NLRP13: variants seen among roughly 807,000 people sequenced by gnomAD.
The protein encoded by NLRP13 is NLR family pyrin domain containing 13, also known as NACHT, LRR and PYD domains-containing protein 13.
In NLRP13, 82 loss-of-function variants were observed where a neutral mutation model predicts 94.4. That is an observed-to-expected ratio of 0.87 (90% confidence interval 0.73 to 1.04). The LOEUF (loss-of-function observed/expected upper bound fraction) is 1.04. Among genes scored for constraint, NLRP13 ranks in the 50% least tolerant of loss-of-function variants. The pLI, the probability that NLRP13 is intolerant of heterozygous loss-of-function variation, is 0.00. For missense variants in NLRP13, 1,426 were observed against 1,230.8 expected (o/e 1.16, Z -2.37); for synonymous variants, 553 against 464.7 (o/e 1.19, Z -2.45).
intron 9 of NLRP13, among the ~76,000 whole-genome samples, chr19:55,899,635 C>G (rs575775757): frequency 1.3e-5 from 2 of 152,192 alleles, no homozygotes; most frequent in African/African-American, 4.8e-5. Flanking sequence ...CAAGAATTAT[C>G]CAGGCGTGGT....
At position 55,912,919 on chromosome 19, in the gene NLRP13, T is replaced by C. The variant is rs1299917245; in HGVS notation, c.898A>G (p.Met300Val). 2 of 1,614,150 alleles carry C rather than the reference T, an allele frequency of 1.2e-6. No homozygotes were observed. The highest frequency in any genetic ancestry group is 1.7e-5 in the Admixed American group (1 of 60,020). ...PDFDAPIEEF[M>V]SQPEKLLFII... ...AACAGGAGCTTCTCTGGTTGAGACATGAACTCTTCAATGGGGGCATCAAAA... is the reference window on the plus strand; with the variant it reads ...AACAGGAGCTTCTCTGGTTGAGACACGAACTCTTCAATGGGGGCATCAAAA... Residue 300 changes from methionine (M) to valine (V), a missense_variant, in exon 5 of 11, where the codon ATG becomes GTG. By Grantham distance (21) the Met-to-Val change is conservative. Transcript: ENST00000342929.
At chr19:55,920,031 C>G (rs930413406) in intron 4 of NLRP13, among the ~76,000 whole-genome samples, 1 of 152,020 alleles carries the variant, frequency 6.6e-6, no homozygotes, top group Non-Finnish European at 1.5e-5. Context: ...AGCTATATAC[C>G]TACAGCTAGC....
Position 55,896,053 on chromosome 19 carries a change from C to T in NLRP13, c.3024G>A (p.Lys1008=), listed in dbSNP as rs1481787302. The change falls in exon 11 of 11, where the codon AAG becomes AAA. Residue 1008 remains lysine (K), a synonymous_variant. Transcript: ENST00000342929. ...CTAGAAGGTTCAGATTGACCAGGCT[C>T]TTACTGCTGCTGAGAACAGAGAAGA... ...QHLFSVLSSS[K]SLVNLNLLGN... 1.2e-6 allele frequency: 2 copies of T among 1,614,088 alleles called. No individual in the cohort carries two copies. The highest frequency in any genetic ancestry group is 1.1e-5 in the South Asian group (1 of 91,086).
chr19:55,919,420 A>C (rs1986755865), intron 4 of NLRP13, among the ~76,000 whole-genome samples: 6 of 152,088 alleles, frequency 3.9e-5, no homozygotes. Context: ...ATTGTAAAGA[A>C]GAAGCCAAAT....
At chr19:55,919,433 T>C (rs1276447988) in intron 4 of NLRP13, among the ~76,000 whole-genome samples, 4 of 151,826 alleles carry the variant, frequency 2.6e-5, no homozygotes, top group Non-Finnish European at 4.4e-5. Flanking sequence ...AGCCAAATTA[T>C]CTGTTGATAT....
chr19:55,915,852 G>T (rs528657815), intron 4 of NLRP13, among the ~76,000 whole-genome samples: 10 of 151,910 alleles, frequency 6.6e-5, no homozygotes, highest in Admixed American at 4.6e-4. Context: ...TGATGCACAA[G>T]AAAGTTTCTC....
Position 55,930,105 on chromosome 19 carries a change from G to A in NLRP13, c.319+1888C>T, listed in dbSNP as rs150877470. ...GAACTTGTATGACTCCGCATGCCCCGTGTCCAGGGTTCTGATATGGAAGAC... is the reference window on the plus strand; with the variant it reads ...GAACTTGTATGACTCCGCATGCCCCATGTCCAGGGTTCTGATATGGAAGAC... On this transcript the variant is annotated intron_variant, in intron 1 of 10. Transcript: ENST00000342929. Among the ~76,000 whole-genome samples, 182 of 152,188 alleles carry A rather than the reference G, an allele frequency of 1.2e-3. 1 individual carries two copies. Among genetic ancestry groups the A allele is most frequent in the African/African-American group, 4.1e-3 (169 of 41,504 alleles).
chr19:55,921,078 A>G (rs10422934), intron 4 of NLRP13, among the ~76,000 whole-genome samples: 21,768 of 152,172 alleles, frequency 0.14, 1,657 homozygotes, highest in East Asian at 0.22. Flanking sequence ...ACATATGTAC[A>G]TATAGAATGG....
intron 9 of NLRP13, among the ~76,000 whole-genome samples, chr19:55,899,951 T>C (rs1275159608): frequency 2.5e-5 from 1 of 40,248 alleles, no homozygotes; most frequent in Non-Finnish European, 3.9e-5. Flanking sequence ...AATATAATTG[T>C]TGTTTTTTTT....
intron 4 of NLRP13, among the ~76,000 whole-genome samples, chr19:55,919,189 C>G (rs1383837399): frequency 6.6e-6 from 1 of 152,038 alleles, no homozygotes; most frequent in Non-Finnish European, 1.5e-5. Context: ...GATAAAAACC[C>G]TCAACAAACT....
intron 4 of NLRP13, among the ~76,000 whole-genome samples, chr19:55,917,488 A>G (rs889633195): frequency 7.9e-5 from 12 of 152,028 alleles, no homozygotes; most frequent in African/African-American, 2.7e-4. Context: ...AAATTGGAGG[A>G]ATAGATTTTA....
chr19:55,915,466 C>T (rs2123129500), intron 4 of NLRP13, among the ~76,000 whole-genome samples: 1 of 152,116 alleles, frequency 6.6e-6, no homozygotes, highest in South Asian at 2.1e-4. Context: ...GGCATGGTGG[C>T]ACGCGCCTGT....
chr19:55,916,231 A>C (rs973478138), intron 4 of NLRP13, among the ~76,000 whole-genome samples: 1 of 152,230 alleles, frequency 6.6e-6, no homozygotes, highest in Non-Finnish European at 1.5e-5. Flanking sequence ...AGTCCCATCT[A>C]AACAGCAGTA....
chr19:55,910,831 T>A lies in NLRP13; in HGVS notation c.2112-98A>T, dbSNP rs1986489583. 4.7e-6 allele frequency: 5 copies of A among 1,060,640 alleles called. No individual in the cohort carries two copies. The Admixed American group carries it at 1.2e-4, about 25-fold the overall frequency. 65.7% of individuals were successfully genotyped at this position (1,060,640 alleles called of 1,614,324 possible). A position where few individuals can be genotyped will look rare whatever the true frequency, so the allele number is the denominator to read the frequency against. Reference sequence around the variant, plus strand: ...GACACAGAAAGAAACCCTAACAAAATTATTATAATTTTCCTAATGTGGCTG... The same window carrying A: ...GACACAGAAAGAAACCCTAACAAAAATATTATAATTTTCCTAATGTGGCTG... On this transcript the variant is annotated intron_variant, in intron 5 of 10. Coordinates refer to ENST00000342929, the MANE Select transcript of NLRP13 (RefSeq NM_176810.2).
rs1444008916 is a variant in NLRP13 at position 55,912,760 on chromosome 19, A to T, written c.1057T>A (p.Leu353Met). ...ATCAGTAAGGTAGCCAGGGGAACCA[A>T]TTCTTTCTTCAACAAGCTGTGTAGG... ...KILHSLLKKELVPLATLLITI... is the reference protein window; with the variant it reads ...KILHSLLKKEMVPLATLLITI... Residue 353 changes from leucine to methionine, a missense_variant, in exon 5 of 11, where the codon TTG becomes ATG. Transcript: ENST00000342929. 6 of 1,614,140 alleles carry T rather than the reference A, an allele frequency of 3.7e-6. No homozygotes were observed. The highest frequency in any genetic ancestry group is 5.1e-6 in the Non-Finnish European group (6 of 1,180,018).
chr19:55,894,658 A>C (rs1452047440), downstream of NLRP13, among the ~76,000 whole-genome samples: 1 of 152,174 alleles, frequency 6.6e-6, no homozygotes, highest in Non-Finnish European at 1.5e-5. Context: ...CACAGCATTC[A>C]TGACAACAGA....
At chr19:55,921,740 T>C (rs1986833164) in intron 4 of NLRP13, among the ~76,000 whole-genome samples, 1 of 152,010 alleles carries the variant, frequency 6.6e-6, no homozygotes, top group South Asian at 2.1e-4. Context: ...CAGAGGGAGA[T>C]GAGGCACAGA....
In NLRP13 at chr19:55,912,645, A is replaced by C; in HGVS notation, c.1172T>G (p.Leu391Arg). ...AAAGTGTCTCATGAAATATACCCGT[A>C]GGTCGTCCCCTGTGAACCCTGTAAT... is the stretch of plus-strand genomic sequence containing the variant. ...VQITGFTGDD[L>R]RVYFMRHFDD... Residue 391 changes from leucine to arginine, a missense_variant, in exon 5 of 11, where the codon CTA (leucine) becomes CGA (arginine). By Grantham distance (102) the Leu-to-Arg change is moderately radical. Transcript: ENST00000342929. 1 of 1,614,208 alleles carries C rather than the reference A, an allele frequency of 6.2e-7. No individual in the cohort carries two copies.
At chr19:55,907,179 C>T (rs553338648) in intron 7 of NLRP13, among the ~76,000 whole-genome samples, 15 of 152,168 alleles carry the variant, frequency 9.9e-5, no homozygotes, top group Admixed American at 2.0e-4. Context: ...AGGCTGGTCT[C>T]GAACTCCTGA....
Sources: gnomAD v4.1 joint callset for allele counts (sites outside exome capture counted in the v4.1 genomes callset) on GRCh38, gnomAD v4.1.1 for gene constraint, MANE v1.5 for transcripts, NCBI Gene and HGNC (gene_info 2026-07-23, HGNC 2026-07-21) for gene names.